Variants in ANO7 observed in about 807,000 individuals in gnomAD.
ANO7 encodes anoctamin-7.
A neutral mutation model predicts 115.8 loss-of-function variants in ANO7; 114 were observed. That is an observed-to-expected ratio of 0.98 (90% CI 0.85 to 1.15). ANO7 has a LOEUF of 1.15. Ranked by LOEUF, ANO7 falls within the 50% of genes most tolerant of loss-of-function variation. The pLI is 0.00. For synonymous variants in ANO7, 550 were observed against 498.2 expected (o/e 1.10, Z -1.38); for missense variants, 1,302 against 1,201.2 (o/e 1.08, Z -1.24).
intron 4 of ANO7, 190 bp downstream of exon 4, chr2:241,196,035 G>A: frequency 6.9e-7 from 1 of 1,451,702 alleles, no homozygotes; most frequent in Non-Finnish European, 9.0e-7. Flanking sequence ...AGAGGCGGAG[G>A]TAAACATTGA....
downstream of ANO7, among the ~76,000 whole-genome samples, chr2:241,226,415 T>C (rs1367092963): frequency 6.6e-6 from 1 of 151,846 alleles, no homozygotes; most frequent in Non-Finnish European, 1.5e-5. Flanking sequence ...GGGTCAGGGA[T>C]AAACATGTTC....
chr2:241,213,362 CTAAG>C (rs1272003116), intron 17 of ANO7, among the ~76,000 whole-genome samples: 1 of 152,268 alleles, frequency 6.6e-6, no homozygotes, highest in Non-Finnish European at 1.5e-5. Context: ...GACTGTATCT[CTAAG>C]AGCCTTAGCT....
chr2:241,200,225 G>T lies in ANO7; in HGVS notation c.554G>T (p.Arg185Leu), dbSNP rs141127554. 2.5e-6 allele frequency: 4 copies of T among 1,612,204 alleles called. No homozygotes were observed. In the East Asian group the frequency reaches 6.7e-5, roughly 27 times the overall value. The part of the protein sequence containing the change: ...SCRFRVNKLP[R>L]FLGSDNQDTF... ...CGGTTCAGAGTGAACAAGCTGCCAC[G>T]GTAAGGCAGGGGCCCTGCCAGTCGG... Residue 185 changes from arginine (R) to leucine (L), a missense_variant and splice_region_variant, in exon 6 of 25, where the codon CGC (arginine) becomes CTC (leucine). Physicochemically the swap from Arg to Leu is moderately radical, Grantham distance 102. Transcript: ENST00000674324.
rs2068318912 is a variant in ANO7, at chr2:241,195,982, C to A, written c.309+137C>A. The A allele has an allele frequency of 1.9e-5, 30 of 1,556,118 alleles. No individual in the cohort carries two copies. The South Asian group carries it at 3.4e-4, about 18-fold the overall frequency. ...GGCCCCAAAGTCCTGCTGGACCCCC[C>A]AGCCACCGTGAGCTCCTCCGTGTGG... On this transcript the variant is annotated intron_variant, in intron 4 of 24. Coordinates refer to ENST00000674324, the MANE Select transcript of ANO7 (RefSeq NM_001370694.2).
chr2:241,199,060 G>A (rs555907695), intron 4 of ANO7: 11 of 471,932 alleles, frequency 2.3e-5, no homozygotes, highest in Middle Eastern at 5.8e-4. Flanking sequence ...TGCAGGTGAC[G>A]CCGGTCCCAA....
chr2:241,204,717 G>A (rs1242137557), intron 9 of ANO7, 148 bp from the exon 10 acceptor site: 5 of 620,042 alleles, frequency 8.1e-6, no homozygotes, highest in South Asian at 5.8e-5. Context: ...AGGGAGAGCT[G>A]TGTACCTCTT....
the ANO7 span, chr2:241,236,602 C>T: frequency 6.2e-6 from 10 of 1,613,330 alleles, no homozygotes; most frequent in Non-Finnish European, 8.5e-6. Flanking sequence ...GAGGGGGGCA[C>T]ATGGACACAT....
At chr2:241,239,827 T>C in the ANO7 span, 2 of 1,611,838 alleles carry the variant, frequency 1.2e-6, no homozygotes, top group Admixed American at 1.7e-5. This position sits in a 1 kb window ranked among gnomAD's most constrained non-coding sequence, Gnocchi z 4.6. Context: ...TATCCTGCAG[T>C]GTTAAGAAGA....
rs773424314 is a variant in ANO7 at position 241,201,290 on chromosome 2, G to A, written c.555-8G>A. The stretch of plus-strand genomic sequence containing the variant: ...TCCAAACCTTCTGCACTGTTCACAT[G>A]CCCACAGCTTCCTCGGGAGTGACAA... On this transcript the variant is annotated splice_region_variant and splice_polypyrimidine_tract_variant and intron_variant, in intron 6 of 24. Coordinates refer to ENST00000674324, the MANE Select transcript of ANO7 (RefSeq NM_001370694.2). 1.5e-5 allele frequency: 24 copies of A among 1,604,284 alleles called. No individual in the cohort carries two copies. The highest frequency in any genetic ancestry group is 5.2e-5 in the Admixed American group (3 of 57,946).
the ANO7 span, among the ~76,000 whole-genome samples, chr2:241,237,582 C>T: frequency 2.0e-5 from 3 of 151,984 alleles, no homozygotes; most frequent in East Asian, 3.9e-4. Flanking sequence ...ATTTGAATAC[C>T]GACAACATAT....
In ANO7 at chr2:241,223,678, T is replaced by G. The variant is rs780182086; in HGVS notation, c.2429T>G (p.Val810Gly). ...TGCTCCCAGCATGTGGTTTTCTCCG[T>G]TGGCCGCCTCCTGGACCTCCTGGTG... Reference protein sequence around the residue: ...VIVFEHVVFSVGRLLDLLVPD... With the variant: ...VIVFEHVVFSGGRLLDLLVPD... Residue 810 changes from valine to glycine, a missense_variant, in exon 23 of 25, where the codon GTT (valine) becomes GGT (glycine). Transcript: ENST00000674324. The G allele has an allele frequency of 1.2e-6, 2 of 1,613,348 alleles. No homozygotes were observed. Among genetic ancestry groups the G allele is most frequent in the African/African-American group, 1.3e-5 (1 of 75,040 alleles).
chr2:241,217,720 C>A lies in ANO7; in HGVS notation c.2007C>A (p.Ala669=). 1 of 1,598,280 alleles carries A rather than the reference C, an allele frequency of 6.3e-7. No homozygotes were observed. Among genetic ancestry groups the A allele is most frequent in the Non-Finnish European group, 8.5e-7 (1 of 1,173,134 alleles). Residue 669 remains alanine (A), a synonymous_variant, in exon 20 of 25, where the codon GCC becomes GCA. Transcript: ENST00000674324. ...TCGGCTTCGTCACCATCTTCGTGGC[C>A]GCCTGTCCGCTCGCGCCGCTCTTCG... ...LQFGFVTIFV[A]ACPLAPLFAL... is the part of the protein sequence containing the mutation.
intron 13 of ANO7, 58 bp downstream of exon 13, chr2:241,209,693 G>C: frequency 6.7e-7 from 1 of 1,491,928 alleles, no homozygotes; most frequent in Non-Finnish European, 8.9e-7. Flanking sequence ...ATGTGGGGTG[G>C]TTTTGTCCCC....
At chr2:241,239,290 G>A in the ANO7 span, among the ~76,000 whole-genome samples, 4 of 151,992 alleles carry the variant, frequency 2.6e-5, no homozygotes, top group Non-Finnish European at 4.4e-5. The surrounding 1 kb of genome is among the most constrained non-coding windows in gnomAD (Gnocchi z 4.6). Flanking sequence ...CATTTTTCCT[G>A]ATCCCTTATA....
At chr2:241,238,142 C>G in the ANO7 span, among the ~76,000 whole-genome samples, 14 of 152,336 alleles carry the variant, frequency 9.2e-5, no homozygotes, top group African/African-American at 3.1e-4. The surrounding 1 kb of genome is among the most constrained non-coding windows in gnomAD (Gnocchi z 4.9). Flanking sequence ...GGTCGCCTCC[C>G]CACCACCAGG....
downstream of ANO7, chr2:241,228,977 AC>A (rs1232610586): frequency 3.9e-5 from 6 of 152,766 alleles, no homozygotes; most frequent in East Asian, 1.2e-3. Flanking sequence ...GTGCTTTCAG[AC>A]CCCACGGCAG....
rs894082242 is a variant in ANO7, at chr2:241,199,990, G to A, written c.418-99G>A. The A allele has an allele frequency of 7.0e-5, 101 of 1,432,790 alleles. 1 individual carries two copies. In the East Asian group the frequency reaches 1.9e-3, roughly 27 times the overall value. The allele number at this position is 1,432,790 out of a possible 1,614,324, so 88.8% of individuals were successfully genotyped here. Reference sequence around the variant, plus strand: ...TCCTTCCCTCTGCTGGAGCCCCTTCGCCCATTGCCCAATTTGCAAACTTGC... The same window carrying A: ...TCCTTCCCTCTGCTGGAGCCCCTTCACCCATTGCCCAATTTGCAAACTTGC... On this transcript the variant is annotated intron_variant, in intron 5 of 24. Coordinates refer to ENST00000674324, the MANE Select transcript of ANO7 (RefSeq NM_001370694.2).
At position 241,211,167 on chromosome 2, in the gene ANO7, T is replaced by A. The variant is rs575384905; in HGVS notation, c.1561+597T>A. Among the ~76,000 whole-genome samples, 5 of 151,916 alleles carry A rather than the reference T, an allele frequency of 3.3e-5. No individual in the cohort carries two copies. The South Asian group carries it at 8.3e-4, about 25-fold the overall frequency. On this transcript the variant is annotated intron_variant, in intron 15 of 24. Coordinates refer to ENST00000674324, the MANE Select transcript of ANO7 (RefSeq NM_001370694.2). ...TGGGGGCACTCCAGCACCCAAAGAG[T>A]TCTCACCCCTCCACAGGGCCCCCCT...
intron 17 of ANO7, among the ~76,000 whole-genome samples, chr2:241,214,483 C>T (rs1022012337): frequency 6.6e-5 from 10 of 152,202 alleles, no homozygotes; most frequent in Admixed American, 4.6e-4. Flanking sequence ...GGGCCTGCCT[C>T]GTGGGTCTGT....
Sources: gnomAD v4.1 joint callset for allele counts (sites outside exome capture counted in the v4.1 genomes callset) on GRCh38, gnomAD v4.1.1 for gene constraint, Gnocchi (gnomAD v3.1) non-coding constraint, MANE v1.5 for transcripts, NCBI Gene and HGNC (gene_info 2026-07-23, HGNC 2026-07-21) for gene names.